Variants in PEX5L observed in about 807,000 individuals in gnomAD.
The protein encoded by PEX5L is PEX5-related protein.
In PEX5L, 30 loss-of-function variants were observed where a neutral mutation model predicts 84.0. The ratio of observed to expected loss-of-function variants is 0.36; its 90% CI spans 0.27 to 0.48. PEX5L has a LOEUF of 0.48. Ranked by LOEUF, PEX5L falls within the 20% of genes least tolerant of loss-of-function variation. The pLI, the probability that PEX5L is intolerant of heterozygous loss-of-function variation, is 0.99. For missense variants in PEX5L, 533 were observed against 754.6 expected, an observed-to-expected ratio of 0.71 and a Z score of 3.44; for synonymous variants, 270 against 283.1, an observed-to-expected ratio of 0.95 and a Z score of 0.46.
chr3:179,949,851 T>C (rs1351101823), intron 2 of PEX5L, among the ~76,000 whole-genome samples: 1 of 152,160 alleles, frequency 6.6e-6, no homozygotes, highest in Admixed American at 6.5e-5. Context: ...AATATAAAAA[T>C]GAATAAGATG....
intron 5 of PEX5L, among the ~76,000 whole-genome samples, chr3:179,879,422 T>G (rs1472257983): frequency 6.6e-6 from 1 of 152,226 alleles, no homozygotes; most frequent in African/African-American, 2.4e-5. Flanking sequence ...AGAGTTGTGA[T>G]AATTTAATGA....
chr3:180,027,005 T>C (rs910157325), intron 1 of PEX5L, among the ~76,000 whole-genome samples: 2 of 152,194 alleles, frequency 1.3e-5, no homozygotes, highest in Non-Finnish European at 2.9e-5. Flanking sequence ...ATCAGCCGTA[T>C]CTGCCCTCCA....
chr3:179,991,640 G>GATTTT (rs1787386260), intron 1 of PEX5L, among the ~76,000 whole-genome samples: 1 of 152,106 alleles, frequency 6.6e-6, no homozygotes, highest in Non-Finnish European at 1.5e-5. Context: ...CCCTCACATT[G>GATTTT]ATTTTGCCAC....
chr3:179,874,280 A>G (rs1751380882), intron 7 of PEX5L, 47 bp downstream of exon 7: 2 of 1,064,050 alleles, frequency 1.9e-6, no homozygotes, highest in African/African-American at 1.6e-5. Context: ...TATGCTATAC[A>G]CTATATATAG....
rs115776117 is a variant in PEX5L, at chr3:179,835,373, T to A, written c.823-15397A>T. Among the ~76,000 whole-genome samples the A allele has an allele frequency of 1.8e-3, 268 of 152,040 alleles. 1 individual carries two copies. Among genetic ancestry groups the A allele is most frequent in the African/African-American group, 6.0e-3 (248 of 41,488 alleles). Reference sequence around the variant, plus strand: ...TGTTATTGTTGTTGCTTTTTTTTTTTAAATAAAAACACTTTTCTTATATCA... The same window carrying A: ...TGTTATTGTTGTTGCTTTTTTTTTTAAAATAAAAACACTTTTCTTATATCA... On this transcript the variant is annotated intron_variant, in intron 8 of 14. Transcript: ENST00000467460.
chr3:179,960,254 T>C (rs1781677860), intron 2 of PEX5L, among the ~76,000 whole-genome samples: 1 of 152,194 alleles, frequency 6.6e-6, no homozygotes, highest in Admixed American at 6.5e-5. Context: ...TTGTGATATA[T>C]GTTATATTCT....
chr3:179,946,826 C>G (rs1269440048), intron 2 of PEX5L, among the ~76,000 whole-genome samples: 9 of 152,206 alleles, frequency 5.9e-5, no homozygotes, highest in Admixed American at 5.9e-4. Context: ...TTAGTGGAGG[C>G]AGCTTTTTCC....
At chr3:179,870,231 A>G (rs988976160) in intron 7 of PEX5L, among the ~76,000 whole-genome samples, 1 of 152,196 alleles carries the variant, frequency 6.6e-6, no homozygotes, top group African/African-American at 2.4e-5. Context: ...CTGACATTCA[A>G]ATCATAAGGC....
chr3:179,880,942 G>A (rs894780611), intron 4 of PEX5L: 1 of 152,230 alleles, frequency 6.6e-6, no homozygotes, highest in Non-Finnish European at 1.5e-5. Flanking sequence ...ATTCAAATTG[G>A]AGAAGGTCCC....
chr3:179,914,995 T>C (rs1431009003), intron 2 of PEX5L, among the ~76,000 whole-genome samples: 1 of 152,208 alleles, frequency 6.6e-6, no homozygotes, highest in Admixed American at 6.5e-5. Context: ...AATAATTTAA[T>C]TTAAACACCT....
intron 2 of PEX5L, among the ~76,000 whole-genome samples, chr3:179,923,326 T>C (rs1770408378): frequency 6.8e-6 from 1 of 147,554 alleles, no homozygotes; most frequent in South Asian, 2.1e-4. Flanking sequence ...CTCAAGTGAA[T>C]TCTTGATTAT....
chr3:179,926,489 G>C (rs897819450), intron 2 of PEX5L, among the ~76,000 whole-genome samples: 2 of 152,110 alleles, frequency 1.3e-5, no homozygotes, highest in African/African-American at 4.8e-5. Context: ...TCATATTCAG[G>C]TGTCAATTCA....
chr3:179,932,677 T>C (rs370499927), intron 2 of PEX5L, among the ~76,000 whole-genome samples: 5 of 152,314 alleles, frequency 3.3e-5, no homozygotes, highest in African/African-American at 1.2e-4. Context: ...TTCTTAACTT[T>C]TTTAAAGATA....
At chr3:179,986,726 A>G (rs1230645549) in intron 1 of PEX5L, among the ~76,000 whole-genome samples, 1 of 151,830 alleles carries the variant, frequency 6.6e-6, no homozygotes, top group Non-Finnish European at 1.5e-5. Flanking sequence ...TTTTTTCAGG[A>G]TCGTTTGAAA....
chr3:179,962,491 C>T (rs1027163286), intron 2 of PEX5L, among the ~76,000 whole-genome samples: 5 of 152,184 alleles, frequency 3.3e-5, no homozygotes, highest in African/African-American at 1.2e-4. Context: ...TTTATCTATA[C>T]ACCTAAGTTG....
chr3:179,905,037 T>G (rs977743101), intron 2 of PEX5L, among the ~76,000 whole-genome samples: 2 of 152,178 alleles, frequency 1.3e-5, no homozygotes, highest in African/African-American at 4.8e-5. Context: ...TTGAAACAAT[T>G]TTTTTTAAAT....
chr3:179,830,431 A>T (rs2109124782), intron 8 of PEX5L, among the ~76,000 whole-genome samples: 1 of 152,110 alleles, frequency 6.6e-6, no homozygotes, highest in South Asian at 2.1e-4. Flanking sequence ...AAACTGGCTG[A>T]CTCAACAGCA....
chr3:179,941,952 C>T (rs1332167710), intron 2 of PEX5L, among the ~76,000 whole-genome samples: 1 of 129,556 alleles, frequency 7.7e-6, no homozygotes, highest in Non-Finnish European at 1.5e-5. Flanking sequence ...ACCCGGGAGG[C>T]GGAGGTTGCA....
intron 8 of PEX5L, among the ~76,000 whole-genome samples, chr3:179,848,250 C>T (rs1740390414): frequency 6.6e-6 from 1 of 151,932 alleles, no homozygotes; most frequent in Non-Finnish European, 1.5e-5. Context: ...TGTTATTCTT[C>T]CTATAGAAGC....
Sources: allele counts gnomAD v4.1 joint callset (sites outside exome capture counted in the v4.1 genomes callset), GRCh38; gene constraint gnomAD v4.1.1; transcripts MANE v1.5; gene names NCBI Gene and HGNC (gene_info 2026-07-23, HGNC 2026-07-21).